The following FGD3 variants were observed in gnomAD, a reference collection of about 807,000 sequenced individuals.
FGD3 encodes FYVE, RhoGEF and PH domain-containing protein 3.
Under a neutral mutation model 71.8 loss-of-function variants are expected in FGD3, and 45 were observed. The ratio of observed to expected loss-of-function variants is 0.63; its 90% CI spans 0.49 to 0.80. The LOEUF is 0.80. FGD3 is among the 30% of genes least tolerant of loss of function. The probability of loss-of-function intolerance (pLI) is 0.00; values close to 1 mark genes in which losing one functional copy is unlikely to be tolerated. For synonymous variants in FGD3, 378 were observed against 392.8 expected (o/e 0.96, Z 0.44); for missense variants, 844 against 951.5 (o/e 0.89, Z 1.49).
intron 3 of FGD3, among the ~76,000 whole-genome samples, chr9:92,982,509 G>A (rs78033077): frequency 0.023 from 3,446 of 152,154 alleles, 57 homozygotes; most frequent in Non-Finnish European, 0.032. Flanking sequence ...CCAGTCGTGT[G>A]ATTGCTGGAT....
intron 3 of FGD3, among the ~76,000 whole-genome samples, chr9:92,992,181 A>G (rs1047067121): frequency 1.3e-5 from 2 of 152,168 alleles, no homozygotes; most frequent in African/African-American, 4.8e-5. Context: ...ACTTACTCCT[A>G]TCATTTTATT....
intron 3 of FGD3, among the ~76,000 whole-genome samples, chr9:92,997,105 A>G (rs536221907): frequency 6.6e-4 from 101 of 152,238 alleles, no homozygotes; most frequent in African/African-American, 2.4e-3. Context: ...TTTGTGTGGG[A>G]GTCTAAGTCT....
chr9:93,011,093 C>A, intron 7 of FGD3, 121 bp from the exon 8 acceptor site: 1 of 1,039,206 alleles, frequency 9.6e-7, no homozygotes, highest in Non-Finnish European at 1.5e-6. Context: ...GCCCAGGCAC[C>A]CTGGGAAAGG....
chr9:92,970,483 G>T (rs551571246), intron 1 of FGD3, among the ~76,000 whole-genome samples: 1 of 152,188 alleles, frequency 6.6e-6, no homozygotes, highest in African/African-American at 2.4e-5. Flanking sequence ...AGGAGAGGGG[G>T]TGGTGACCAT....
At chr9:92,977,448 G>A (rs1400772071) in intron 3 of FGD3, among the ~76,000 whole-genome samples, 3 of 152,126 alleles carry the variant, frequency 2.0e-5, no homozygotes, top group Non-Finnish European at 4.4e-5. Flanking sequence ...AGCGCTTTGC[G>A]GGTCAGGCTT....
intron 8 of FGD3, 65 bp from the exon 9 acceptor site, chr9:93,013,787 G>C (rs1257692309): frequency 6.3e-7 from 1 of 1,592,878 alleles, no homozygotes; most frequent in East Asian, 2.3e-5. Context: ...GAAGGACTCC[G>C]TGCATCTCTA....
chr9:92,982,315 T>A (rs1860027441), intron 3 of FGD3, among the ~76,000 whole-genome samples: 1 of 152,238 alleles, frequency 6.6e-6, no homozygotes, highest in Non-Finnish European at 1.5e-5. Flanking sequence ...AATGACAGGA[T>A]TTCATATTTT....
At chr9:93,022,633 C>T (rs1861966616) in intron 14 of FGD3, among the ~76,000 whole-genome samples, 1 of 152,068 alleles carries the variant, frequency 6.6e-6, no homozygotes, top group African/African-American at 2.4e-5. Context: ...AAGGTGGGCA[C>T]GCAGAGGCCT....
rs370632740 is a variant in FGD3 at position 92,956,736 on chromosome 9, A to G, written c.-218+9007A>G. Among the ~76,000 whole-genome samples, 20 of 151,906 alleles carry G rather than the reference A, an allele frequency of 1.3e-4. 1 individual carries two copies. The highest frequency in any genetic ancestry group is 4.8e-4 in the African/African-American group (20 of 41,314). ...ACTGCCTTCCAGAGTACCACAGGGC[A>G]CCTCTGTTCTGACTTCAGAAACTAG... On this transcript the variant is annotated intron_variant, in intron 1 of 17. Transcript: ENST00000375482.
intron 12 of FGD3, 41 bp from the exon 13 acceptor site, chr9:93,020,276 A>T (rs372404291): frequency 3.8e-6 from 6 of 1,563,110 alleles, no homozygotes; most frequent in African/African-American, 1.4e-5. Flanking sequence ...GCATCCTCCC[A>T]TGCCCCTTTA....
At chr9:92,994,899 G>A (rs1256302660) in intron 3 of FGD3, among the ~76,000 whole-genome samples, 20 of 151,794 alleles carry the variant, frequency 1.3e-4, no homozygotes, top group East Asian at 9.7e-4. Context: ...GTTTGAAGTC[G>A]GGTAGCATGA....
intron 1 of FGD3, among the ~76,000 whole-genome samples, chr9:92,965,386 G>A (rs1859282949): frequency 6.6e-6 from 1 of 152,242 alleles, no homozygotes. Flanking sequence ...AGCCTGCAAA[G>A]TGTCTGACTG....
At chr9:93,017,204 G>C (rs1564165806) in intron 10 of FGD3, among the ~76,000 whole-genome samples, 1 of 152,110 alleles carries the variant, frequency 6.6e-6, no homozygotes, top group East Asian at 1.9e-4. Flanking sequence ...GGAGGTCAAG[G>C]CTGCAGTGAG....
chr9:92,992,904 T>G (rs549737378), intron 3 of FGD3, among the ~76,000 whole-genome samples: 12 of 152,296 alleles, frequency 7.9e-5, no homozygotes, highest in Non-Finnish European at 1.6e-4. Flanking sequence ...TTATACTTTT[T>G]CCCTGAAAAG....
intron 1 of FGD3, chr9:92,963,832 T>C (rs1403499614): frequency 6.6e-6 from 1 of 152,196 alleles, no homozygotes; most frequent in East Asian, 1.9e-4. Flanking sequence ...AATATCTGTT[T>C]GCAGGGGGCC....
At chr9:92,996,215 A>T (rs1860637232) in intron 3 of FGD3, among the ~76,000 whole-genome samples, 1 of 152,052 alleles carries the variant, frequency 6.6e-6, no homozygotes. Flanking sequence ...GGAGGGTGTT[A>T]TGTGTCCAGG....
In FGD3 at chr9:93,022,396, G is replaced by T; in HGVS notation, c.1557+7G>T. 6.2e-7 allele frequency: 1 copy of T among 1,611,864 alleles called. No individual in the cohort carries two copies. On this transcript the variant is annotated splice_region_variant and intron_variant, in intron 14 of 17. Coordinates refer to ENST00000375482, the MANE Select transcript of FGD3 (RefSeq NM_001083536.2). ...CAGTTCGGGTGCAGCAGGGGTAAGT[G>T]CCCCATGCTCAGCGGTCAGCAGGGG...
intron 3 of FGD3, among the ~76,000 whole-genome samples, chr9:92,996,426 G>C (rs910665080): frequency 1.3e-5 from 2 of 152,038 alleles, no homozygotes; most frequent in African/African-American, 4.8e-5. Context: ...CAAAAAACCA[G>C]CTCCTGGATT....
At chr9:93,018,045 C>T in intron 10 of FGD3, 91 bp from the exon 11 acceptor site, 11 of 1,270,902 alleles carry the variant, frequency 8.7e-6, no homozygotes, top group Non-Finnish European at 1.1e-5. Context: ...CTGTTACCTC[C>T]TTGGGGAAAC....
Sources: allele counts gnomAD v4.1 joint callset (sites outside exome capture counted in the v4.1 genomes callset), GRCh38; gene constraint gnomAD v4.1.1; transcripts MANE v1.5; gene names NCBI Gene and HGNC (gene_info 2026-07-23, HGNC 2026-07-21).